Variants in SLC35F4 observed in about 807,000 individuals in gnomAD.
The protein encoded by SLC35F4 is chromosome 14 open reading frame 36.
In SLC35F4, 24 loss-of-function variants were observed where a neutral mutation model predicts 44.2. That is an observed-to-expected ratio of 0.54 (90% CI 0.39 to 0.76). The LOEUF is 0.76. SLC35F4 is among the 30% of genes least tolerant of loss of function. The pLI, the probability that SLC35F4 is intolerant of heterozygous loss-of-function variation, is 0.00. For missense variants in SLC35F4, 562 were observed against 586.1 expected (o/e 0.96, Z 0.42); for synonymous variants, 238 against 223.6 (o/e 1.06, Z -0.57).
chr14:57,914,404 A>T (rs1889276483), intron 1 of SLC35F4, among the ~76,000 whole-genome samples: 1 of 152,202 alleles, frequency 6.6e-6, no homozygotes, highest in African/African-American at 2.4e-5. Context: ...TCTACTAAAA[A>T]TACAGAAAAT....
intron 1 of SLC35F4, among the ~76,000 whole-genome samples, chr14:57,956,637 A>C (rs1053489099): frequency 1.3e-5 from 2 of 152,238 alleles, no homozygotes; most frequent in African/African-American, 4.8e-5. Flanking sequence ...AAAGGATAAT[A>C]ACAGACACTT....
intron 1 of SLC35F4, among the ~76,000 whole-genome samples, chr14:57,814,194 GC>G (rs1236775390): frequency 3.9e-5 from 6 of 152,148 alleles, no homozygotes; most frequent in Admixed American, 1.3e-4. Flanking sequence ...ATTTGTCAGA[GC>G]CCTTTTCACA....
At chr14:57,823,272 T>G (rs978049455) in intron 1 of SLC35F4, among the ~76,000 whole-genome samples, 4 of 152,138 alleles carry the variant, frequency 2.6e-5, no homozygotes, top group African/African-American at 9.7e-5. Flanking sequence ...ACACTCTTGC[T>G]CAGCTACCTC....
At chr14:57,586,376 G>A (rs1225967564) in intron 3 of SLC35F4, among the ~76,000 whole-genome samples, 2 of 152,074 alleles carry the variant, frequency 1.3e-5, no homozygotes, top group East Asian at 3.9e-4. Flanking sequence ...ATAAAAACTC[G>A]AGAAGAAAAC....
At chr14:57,588,412 TCA>T (rs2069933700) in intron 3 of SLC35F4, among the ~76,000 whole-genome samples, 9 of 152,014 alleles carry the variant, frequency 5.9e-5, no homozygotes, top group Admixed American at 5.2e-4. Context: ...CTTCTCAGCA[TCA>T]GGCTTTTCCT....
chr14:57,920,890 T>A (rs896453674), intron 1 of SLC35F4, among the ~76,000 whole-genome samples: 8 of 152,232 alleles, frequency 5.3e-5, no homozygotes, highest in African/African-American at 1.9e-4. Flanking sequence ...CATTTTTACA[T>A]CAAATGTATA....
intron 6 of SLC35F4, among the ~76,000 whole-genome samples, chr14:57,567,304 T>C (rs529656736): frequency 6.6e-6 from 1 of 152,276 alleles, no homozygotes; most frequent in South Asian, 2.1e-4. Context: ...AAAGCATTAT[T>C]CTCATAGAGT....
chr14:57,654,324 T>C (rs2073889751), intron 1 of SLC35F4, among the ~76,000 whole-genome samples: 1 of 152,186 alleles, frequency 6.6e-6, no homozygotes, highest in African/African-American at 2.4e-5. Context: ...CTCTGACTTA[T>C]AAGTGAGAAT....
intron 1 of SLC35F4, among the ~76,000 whole-genome samples, chr14:57,667,651 A>G (rs2074362428): frequency 6.6e-6 from 1 of 151,778 alleles, no homozygotes; most frequent in Admixed American, 6.6e-5. Flanking sequence ...ATGTCCCTAC[A>G]AAGGACATGA....
chr14:57,664,562 C>A (rs1402744977), intron 1 of SLC35F4, among the ~76,000 whole-genome samples: 1 of 152,142 alleles, frequency 6.6e-6, no homozygotes, highest in African/African-American at 2.4e-5. Context: ...GCACACACCA[C>A]AATGCCCGGC....
intron 1 of SLC35F4, among the ~76,000 whole-genome samples, chr14:57,873,139 T>C (rs1888329201): frequency 1.3e-5 from 2 of 152,212 alleles, no homozygotes; most frequent in African/African-American, 4.8e-5. Flanking sequence ...ATTATGGGTT[T>C]GATTCTCCCC....
At chr14:57,702,438 T>C (rs1208252982) in intron 1 of SLC35F4, among the ~76,000 whole-genome samples, 1 of 152,176 alleles carries the variant, frequency 6.6e-6, no homozygotes. Flanking sequence ...TAATATTCTG[T>C]TACAGTTGTG....
At chr14:57,795,065 T>A (rs2078022546) in intron 1 of SLC35F4, among the ~76,000 whole-genome samples, 2 of 152,128 alleles carry the variant, frequency 1.3e-5, no homozygotes, top group African/African-American at 4.8e-5. Context: ...TTAGCTCCCT[T>A]CCTCAAAAGG....
At chr14:57,938,778 C>CCGCAAGACCCTAGTGTGTCCAAGGCATT (rs1889862338) in intron 1 of SLC35F4, among the ~76,000 whole-genome samples, 1 of 152,158 alleles carries the variant, frequency 6.6e-6, no homozygotes, top group African/African-American at 2.4e-5. Flanking sequence ...ATGCTTTTAG[C>CCGCAAGACCCTAGTGTGTCCAAGGCATT]CGCAAGACCC....
chr14:57,659,940 C>A (rs2074085975), intron 1 of SLC35F4, among the ~76,000 whole-genome samples: 1 of 152,120 alleles, frequency 6.6e-6, no homozygotes, highest in African/African-American at 2.4e-5. Context: ...AAGTTATGAG[C>A]TAGTTAGTTG....
intron 1 of SLC35F4, among the ~76,000 whole-genome samples, chr14:57,754,098 C>CTTTTTTTTTT (rs1200175550): frequency 3.6e-5 from 4 of 110,444 alleles, no homozygotes; most frequent in Non-Finnish European, 7.1e-5. Context: ...TAACCCAATG[C>CTTTTTTTTTT]TTTTTTTTTT....
chr14:57,613,956 C>CTGG (rs1418866444), intron 1 of SLC35F4, among the ~76,000 whole-genome samples: 4 of 152,224 alleles, frequency 2.6e-5, no homozygotes, highest in South Asian at 2.1e-4. Flanking sequence ...AACCCCTGGA[C>CTGG]TGGTGCCTTT....
chr14:57,921,792 G>A (rs933193518), intron 1 of SLC35F4, among the ~76,000 whole-genome samples: 2 of 152,098 alleles, frequency 1.3e-5, no homozygotes, highest in Admixed American at 6.5e-5. Context: ...GTATGACCTC[G>A]TCTGAACTAA....
At chr14:57,875,724 C>G (rs919042952) in intron 1 of SLC35F4, among the ~76,000 whole-genome samples, 4 of 152,160 alleles carry the variant, frequency 2.6e-5, no homozygotes, top group African/African-American at 9.7e-5. Flanking sequence ...GAACTTGCTT[C>G]TTTCATATTC....
Sources: allele counts gnomAD v4.1 joint callset (sites outside exome capture counted in the v4.1 genomes callset), GRCh38; gene constraint gnomAD v4.1.1; transcripts MANE v1.5; gene names NCBI Gene and HGNC (gene_info 2026-07-23, HGNC 2026-07-21).